IMMP2L: variants seen among roughly 807,000 people sequenced by gnomAD.
IMMP2L encodes mitochondrial inner membrane protease subunit 2.
Under a neutral mutation model 19.3 loss-of-function variants are expected in IMMP2L, and 18 were observed. The observed-to-expected ratio is 0.93, with a 90% confidence interval of 0.64 to 1.38. The LOEUF (loss-of-function observed/expected upper bound fraction) is 1.38. IMMP2L is among the 40% of genes most tolerant of loss of function. The pLI, the probability that IMMP2L is intolerant of heterozygous loss-of-function variation, is 0.00. For synonymous variants in IMMP2L, 76 were observed against 73.0 expected, an observed-to-expected ratio of 1.04 and a Z score of -0.21; for missense variants, 233 against 218.2, an observed-to-expected ratio of 1.07 and a Z score of -0.43.
chr7:111,539,879 A>C (rs79386241), intron 1 of IMMP2L, among the ~76,000 whole-genome samples: 13 of 152,296 alleles, frequency 8.5e-5, no homozygotes, highest in African/African-American at 2.9e-4. Flanking sequence ...CCATTTGAAT[A>C]CAAAAATATC....
intron 2 of IMMP2L, among the ~76,000 whole-genome samples, chr7:111,514,084 A>G (rs1181735590): frequency 6.6e-6 from 1 of 152,104 alleles, no homozygotes; most frequent in Non-Finnish European, 1.5e-5. Context: ...TCAGTTATGT[A>G]GGATTAATAA....
intron 3 of IMMP2L, among the ~76,000 whole-genome samples, chr7:111,049,269 T>A (rs1167194232): frequency 4.0e-5 from 6 of 151,018 alleles, no homozygotes; most frequent in Admixed American, 2.0e-4. Flanking sequence ...TAGCTGGGAC[T>A]ACAGGCGCCC....
intron 3 of IMMP2L, among the ~76,000 whole-genome samples, chr7:111,153,532 G>C (rs1368212637): frequency 6.6e-6 from 1 of 151,964 alleles, no homozygotes; most frequent in Non-Finnish European, 1.5e-5. Context: ...AAATTGACCA[G>C]TTTATGTATA....
At chr7:111,186,161 T>C (rs1586736054) in intron 3 of IMMP2L, among the ~76,000 whole-genome samples, 1 of 152,026 alleles carries the variant, frequency 6.6e-6, no homozygotes, top group East Asian at 1.9e-4. Flanking sequence ...CTGAGAAGAG[T>C]TGTATAGGGT....
At chr7:111,167,585 T>C (rs1452140594) in intron 3 of IMMP2L, among the ~76,000 whole-genome samples, 3 of 151,934 alleles carry the variant, frequency 2.0e-5, no homozygotes, top group African/African-American at 7.2e-5. Flanking sequence ...AAATGGATTG[T>C]TGCAGTTTCC....
intron 3 of IMMP2L, among the ~76,000 whole-genome samples, chr7:111,324,184 A>G (rs1825065376): frequency 6.6e-6 from 1 of 151,980 alleles, no homozygotes; most frequent in Non-Finnish European, 1.5e-5. Context: ...AACAAAATAG[A>G]AAAATTACTA....
intron 2 of IMMP2L, among the ~76,000 whole-genome samples, chr7:111,509,767 A>G (rs1227471663): frequency 6.6e-6 from 1 of 152,186 alleles, no homozygotes; most frequent in Non-Finnish European, 1.5e-5. Flanking sequence ...TCAAGAAGCT[A>G]AAAACTTTTT....
chr7:111,277,746 A>G (rs1208365889), intron 3 of IMMP2L, among the ~76,000 whole-genome samples: 1 of 152,168 alleles, frequency 6.6e-6, no homozygotes, highest in Non-Finnish European at 1.5e-5. Context: ...CTACCCAAAG[A>G]GAAAGAAATC....
chr7:111,472,172 G>A (rs1192742720), intron 3 of IMMP2L, among the ~76,000 whole-genome samples: 2 of 152,042 alleles, frequency 1.3e-5, no homozygotes, highest in East Asian at 3.9e-4. Context: ...GTTTTGTTGT[G>A]TTTTACTTTG....
intron 5 of IMMP2L, among the ~76,000 whole-genome samples, chr7:110,749,197 T>TA (rs1231820792): frequency 6.6e-6 from 1 of 152,194 alleles, no homozygotes; most frequent in Non-Finnish European, 1.5e-5. Flanking sequence ...CACAATGAGA[T>TA]ACCATCTCAT....
chr7:111,108,149 C>CA (rs879278565), intron 3 of IMMP2L, among the ~76,000 whole-genome samples: 3,231 of 152,202 alleles, frequency 0.021, 122 homozygotes, highest in African/African-American at 0.074. Context: ...GAGACAAAAA[C>CA]CTCACAGATT....
At chr7:111,077,829 T>C (rs1418751436) in intron 3 of IMMP2L, among the ~76,000 whole-genome samples, 1 of 152,188 alleles carries the variant, frequency 6.6e-6, no homozygotes, top group Non-Finnish European at 1.5e-5. Context: ...TCCTCTTTGT[T>C]CATTACTCAT....
chr7:110,793,267 C>T (rs1016370737), intron 5 of IMMP2L, among the ~76,000 whole-genome samples: 1 of 151,676 alleles, frequency 6.6e-6, no homozygotes, highest in African/African-American at 2.4e-5. Context: ...TAAAAACCTC[C>T]AAATTATCCT....
At chr7:111,227,270 CACT>C (rs1285998120) in intron 3 of IMMP2L, among the ~76,000 whole-genome samples, 3 of 152,048 alleles carry the variant, frequency 2.0e-5, no homozygotes, top group Non-Finnish European at 4.4e-5. Context: ...CTTCCATTAC[CACT>C]ACTTTTTTAT....
chr7:111,021,160 G>A, intron 3 of IMMP2L, among the ~76,000 whole-genome samples: 1 of 152,054 alleles, frequency 6.6e-6, no homozygotes, highest in South Asian at 2.1e-4. Context: ...CCTTATACCA[G>A]GAAACTCCTA....
intron 5 of IMMP2L, among the ~76,000 whole-genome samples, chr7:110,828,475 T>C (rs898004027): frequency 6.6e-6 from 1 of 152,158 alleles, no homozygotes; most frequent in African/African-American, 2.4e-5. Flanking sequence ...TCAAGGATCT[T>C]TGGATTATAT....
At chr7:111,514,425 G>C (rs1051330833) in intron 2 of IMMP2L, among the ~76,000 whole-genome samples, 1 of 151,992 alleles carries the variant, frequency 6.6e-6, no homozygotes, top group Non-Finnish European at 1.5e-5. Context: ...TGTAAATGAC[G>C]AGTTAATGGG....
intron 3 of IMMP2L, among the ~76,000 whole-genome samples, chr7:111,275,950 C>A (rs1051861881): frequency 6.6e-6 from 1 of 152,028 alleles, no homozygotes; most frequent in Non-Finnish European, 1.5e-5. Flanking sequence ...GTGGAGTCTG[C>A]CGGGTTTTCT....
intron 3 of IMMP2L, among the ~76,000 whole-genome samples, chr7:111,178,855 A>C (rs928565687): frequency 6.6e-6 from 1 of 152,016 alleles, no homozygotes; most frequent in African/African-American, 2.4e-5. Flanking sequence ...AAAGTCATCC[A>C]TGAGCATTGG....
Sources: gnomAD v4.1 joint callset for allele counts (sites outside exome capture counted in the v4.1 genomes callset) on GRCh38, gnomAD v4.1.1 for gene constraint, MANE v1.5 for transcripts, NCBI Gene and HGNC (gene_info 2026-07-23, HGNC 2026-07-21) for gene names.